TTL: variants seen among roughly 807,000 people sequenced by gnomAD.
The protein encoded by TTL is tubulin tyrosine ligase.
TTL carries 10 observed loss-of-function variants against 41.1 expected under a neutral mutation model. The observed-to-expected ratio is 0.24, with a 90% CI of 0.15 to 0.41. TTL has a LOEUF of 0.41. Among genes scored for constraint, TTL ranks in the 10% least tolerant of loss-of-function variants. The pLI, the probability that TTL is intolerant of heterozygous loss-of-function variation, is 1.00. For missense variants in TTL, 367 were observed against 460.4 expected (o/e 0.80, Z 1.86); for synonymous variants, 175 against 175.5 (o/e 1.00, Z 0.02).
chr2:112,485,289 G>T (rs1324035445), intron 1 of TTL, among the ~76,000 whole-genome samples: 1 of 152,086 alleles, frequency 6.6e-6, no homozygotes, highest in East Asian at 1.9e-4. Context: ...GTTTTTCTTT[G>T]TGTCCTTTCT....
intron 6 of TTL, among the ~76,000 whole-genome samples, chr2:112,524,316 G>C (rs184840645): frequency 1.3e-5 from 2 of 152,184 alleles, no homozygotes; most frequent in African/African-American, 2.4e-5. Context: ...ACCCAGTAAT[G>C]GGATGGCTGG....
At chr2:112,513,338 G>A (rs772187186) in intron 5 of TTL, among the ~76,000 whole-genome samples, 61 of 151,818 alleles carry the variant, frequency 4.0e-4, no homozygotes, top group Non-Finnish European at 7.2e-4. Context: ...CTTCAGTTGC[G>A]AAGTTCTGAG....
At chr2:112,509,666 C>T (rs1681870953) in intron 5 of TTL, among the ~76,000 whole-genome samples, 1 of 152,192 alleles carries the variant, frequency 6.6e-6, no homozygotes, top group South Asian at 2.1e-4. Flanking sequence ...CCTCGCCCTG[C>T]TTCGGCTCGC....
chr2:112,483,300 A>AG (rs2104443132), intron 1 of TTL: 1 of 152,376 alleles, frequency 6.6e-6, no homozygotes, highest in African/African-American at 2.4e-5. Context: ...GGAGGGGACT[A>AG]GCGGCTCCTT....
At chr2:112,516,537 G>T (rs1040754352) in intron 5 of TTL, among the ~76,000 whole-genome samples, 1 of 152,208 alleles carries the variant, frequency 6.6e-6, no homozygotes, top group Non-Finnish European at 1.5e-5. Context: ...AGCCAGGCAT[G>T]GTGGCATATG....
At chr2:112,519,550 G>GT (rs34836273) in intron 5 of TTL, among the ~76,000 whole-genome samples, 1,260 of 110,448 alleles carry the variant, frequency 0.011, 17 homozygotes, top group African/African-American at 0.021. Context: ...AGGTCAACAT[G>GT]TTTTTTTTTT....
rs897453051 is a variant in TTL, at chr2:112,530,625, C to T, written c.*1830C>T. On this transcript the variant is annotated 3_prime_UTR_variant, in exon 7 of 7. Coordinates refer to ENST00000233336, the MANE Select transcript of TTL (RefSeq NM_153712.5). ...CTAGGTGGGCGGGTGACAGGGAAAG[C>T]ATGGGCATTTTTGTATTGCTGTCAC... 6 of 225,024 alleles carry T rather than the reference C, an allele frequency of 2.7e-5. No individual in the cohort carries two copies. Among genetic ancestry groups the T allele is most frequent in the African/African-American group, 1.1e-4 (5 of 44,844 alleles). The allele number at this position is 225,024 out of a possible 1,614,324, so 13.9% of individuals were successfully genotyped here. A position where few individuals can be genotyped will look rare whatever the true frequency, so the allele number is the denominator to read the frequency against.
intron 3 of TTL, among the ~76,000 whole-genome samples, chr2:112,497,450 CAG>C (rs1319148343): frequency 2.0e-5 from 3 of 152,162 alleles, no homozygotes; most frequent in Non-Finnish European, 4.4e-5. Context: ...CGTGAGCTAA[CAG>C]GGAGCAGTTC....
At chr2:112,502,233 C>T (rs1019023549) in intron 4 of TTL, among the ~76,000 whole-genome samples, 7 of 152,110 alleles carry the variant, frequency 4.6e-5, no homozygotes, top group Non-Finnish European at 1.0e-4. Context: ...AACGATTTGT[C>T]GCTTCTTGAA....
chr2:112,486,409 A>G (rs889617224), intron 2 of TTL, among the ~76,000 whole-genome samples: 15 of 152,224 alleles, frequency 9.9e-5, no homozygotes, highest in African/African-American at 3.4e-4. Flanking sequence ...CCAGGCCTCT[A>G]TGCTCCAGTA....
In TTL at chr2:112,530,137, G is replaced by A. The variant is rs1682471257; in HGVS notation, c.*1342G>A. The stretch of plus-strand genomic sequence containing the variant: ...TGCTACGTTCTTTCTTCATGCCTAT[G>A]TGTGCTCCATTCCTCATTTCTACTT... On this transcript the variant is annotated 3_prime_UTR_variant, in exon 7 of 7. Coordinates refer to ENST00000233336, the MANE Select transcript of TTL (RefSeq NM_153712.5). 1 of 229,386 alleles carries A rather than the reference G, an allele frequency of 4.4e-6. No homozygotes were observed. The highest frequency in any genetic ancestry group is 6.2e-5 in the East Asian group (1 of 16,076). The allele number at this position is 229,386 out of a possible 1,614,324, so 14.2% of individuals were successfully genotyped here.
At chr2:112,527,417 G>A (rs985702056) in intron 6 of TTL, among the ~76,000 whole-genome samples, 3 of 152,080 alleles carry the variant, frequency 2.0e-5, no homozygotes, top group Admixed American at 6.5e-5. Flanking sequence ...GTGGGATGTT[G>A]AAGTCTCCCA....
Position 112,512,484 on chromosome 2 carries a change from G to A in TTL, c.876-7798G>A, listed in dbSNP as rs535787315. Among the ~76,000 whole-genome samples, 107 of 151,970 alleles carry A rather than the reference G, an allele frequency of 7.0e-4. No individual in the cohort carries two copies. The South Asian group carries it at 9.2e-3, about 13-fold the overall frequency. On this transcript the variant is annotated intron_variant, in intron 5 of 6. Transcript: ENST00000233336. The stretch of plus-strand genomic sequence containing the variant: ...TCACCGTGTTAGCCAGGATGGTCTC[G>A]ATCTCCTGACCTCGTGATCCGTCCA...
intron 5 of TTL, among the ~76,000 whole-genome samples, chr2:112,512,755 C>T (rs1485584749): frequency 3.3e-5 from 5 of 152,170 alleles, no homozygotes; most frequent in African/African-American, 1.2e-4. Context: ...TGTGTTTATA[C>T]CACTTAAATG....
chr2:112,511,844 T>C (rs1372994423), intron 5 of TTL, among the ~76,000 whole-genome samples: 1 of 152,156 alleles, frequency 6.6e-6, no homozygotes, highest in Non-Finnish European at 1.5e-5. Context: ...GTGCTAGGAT[T>C]ACAGGCGTGA....
chr2:112,485,871 C>T, intron 1 of TTL, 46 bp from the exon 2 acceptor site: 1 of 1,537,388 alleles, frequency 6.5e-7, no homozygotes, highest in Non-Finnish European at 9.0e-7. Context: ...CTCTCTCCTG[C>T]TTGCTGTGTC....
At chr2:112,523,871 T>C (rs1199211069) in intron 6 of TTL, among the ~76,000 whole-genome samples, 1 of 152,116 alleles carries the variant, frequency 6.6e-6, no homozygotes, top group African/African-American at 2.4e-5. Context: ...TGTATACATG[T>C]GCCATGTTGG....
At chr2:112,500,279 T>G (rs978325076) in intron 3 of TTL, among the ~76,000 whole-genome samples, 1 of 151,404 alleles carries the variant, frequency 6.6e-6, no homozygotes, top group African/African-American at 2.4e-5. Flanking sequence ...GTTCTAAAAT[T>G]AAACTGTAGT....
intron 5 of TTL, among the ~76,000 whole-genome samples, chr2:112,511,860 C>T (rs1039403252): frequency 6.6e-6 from 1 of 152,084 alleles, no homozygotes; most frequent in Non-Finnish European, 1.5e-5. Context: ...CGTGAGCCAC[C>T]ATGCCCAGCC....
Sources: gnomAD v4.1 joint callset for allele counts (sites outside exome capture counted in the v4.1 genomes callset) on GRCh38, gnomAD v4.1.1 for gene constraint, MANE v1.5 for transcripts, NCBI Gene and HGNC (gene_info 2026-07-23, HGNC 2026-07-21) for gene names.